The following CTNNA3 variants were observed in gnomAD, a reference collection of about 807,000 sequenced individuals.
The protein encoded by CTNNA3 is catenin alpha 3, also known as catenin alpha-3.
CTNNA3 carries 76 observed loss-of-function variants against 95.7 expected under a neutral mutation model. The ratio of observed to expected loss-of-function variants is 0.79; its 90% CI spans 0.66 to 0.96. The LOEUF is 0.96. CTNNA3 is among the 40% of genes least tolerant of loss of function. The pLI is 0.00. For synonymous variants in CTNNA3, 431 were observed against 374.4 expected (o/e 1.15, Z -1.74); for missense variants, 1,191 against 1,089.8 (o/e 1.09, Z -1.31).
chr10:66,175,876 A>G (rs568848373), intron 13 of CTNNA3, among the ~76,000 whole-genome samples: 16 of 152,202 alleles, frequency 1.1e-4, no homozygotes, highest in Non-Finnish European at 1.8e-4. Flanking sequence ...TGCTGACCCA[A>G]TGAAAAACAT....
At chr10:65,926,657 G>A (rs907738239) in intron 17 of CTNNA3, among the ~76,000 whole-genome samples, 3 of 151,922 alleles carry the variant, frequency 2.0e-5, no homozygotes, top group Admixed American at 6.6e-5. Context: ...TGTATTTTTA[G>A]TAGAGACAGG....
intron 16 of CTNNA3, among the ~76,000 whole-genome samples, chr10:65,968,624 T>A (rs1237845503): frequency 6.6e-6 from 1 of 152,074 alleles, no homozygotes; most frequent in African/African-American, 2.4e-5. Flanking sequence ...TTCCAGGTAT[T>A]CAAAGTACAT....
intron 7 of CTNNA3, among the ~76,000 whole-genome samples, chr10:67,061,821 C>T (rs1855771538): frequency 6.6e-6 from 1 of 152,104 alleles, no homozygotes; most frequent in Admixed American, 6.5e-5. Context: ...TCCTCATTGG[C>T]AGATAAGCAG....
At chr10:65,942,667 A>T (rs2077447988) in intron 17 of CTNNA3, among the ~76,000 whole-genome samples, 1 of 152,214 alleles carries the variant, frequency 6.6e-6, no homozygotes, top group Non-Finnish European at 1.5e-5. Flanking sequence ...GGCTTTGGGT[A>T]AGAGAATAAG....
intron 5 of CTNNA3, among the ~76,000 whole-genome samples, chr10:67,284,938 A>T (rs760813150): frequency 6.6e-6 from 1 of 152,000 alleles, no homozygotes; most frequent in East Asian, 1.9e-4. Context: ...TCATCCCCTC[A>T]CCCCCTGGGG....
chr10:67,075,170 G>GCACACACACACACA (rs57260841), intron 7 of CTNNA3, among the ~76,000 whole-genome samples: 11,429 of 149,608 alleles, frequency 0.076, 478 homozygotes, highest in African/African-American at 0.12. Context: ...AAGGATTTCT[G>GCACACACACACACA]CACACACACA....
rs185256974 is a variant in CTNNA3 at position 67,343,435 on chromosome 10, G to A, written c.580-123565C>T. 2.2e-4 allele frequency among the ~76,000 whole-genome samples: 34 copies of A among 152,094 alleles called. No individual in the cohort carries two copies. The East Asian group carries it at 5.8e-3, about 26-fold the overall frequency. ...TGGTGTCTTCTTCTATTTCTTTCAT[G>A]AGTGTTTTATAGTTTCCATTATAAA... On this transcript the variant is annotated intron_variant, in intron 5 of 17. Coordinates refer to ENST00000433211, the MANE Select transcript of CTNNA3 (RefSeq NM_013266.4).
intron 7 of CTNNA3, among the ~76,000 whole-genome samples, chr10:66,832,508 C>A (rs1842755685): frequency 6.6e-6 from 1 of 151,360 alleles, no homozygotes; most frequent in Non-Finnish European, 1.5e-5. Flanking sequence ...ACTAAGCCAA[C>A]AAAATTAAAT....
chr10:66,456,472 G>T (rs930847125), intron 11 of CTNNA3, among the ~76,000 whole-genome samples: 1 of 152,028 alleles, frequency 6.6e-6, no homozygotes, highest in Non-Finnish European at 1.5e-5. Flanking sequence ...AACCTGACCT[G>T]GAGTTTGAGA....
chr10:67,014,807 T>A (rs1447435974), intron 7 of CTNNA3, among the ~76,000 whole-genome samples: 2 of 152,072 alleles, frequency 1.3e-5, no homozygotes, highest in Non-Finnish European at 2.9e-5. Flanking sequence ...CAAGTAAACA[T>A]CATTCCAAAC....
At chr10:66,301,044 A>T (rs537777230) in intron 12 of CTNNA3, among the ~76,000 whole-genome samples, 2 of 152,226 alleles carry the variant, frequency 1.3e-5, no homozygotes, top group Non-Finnish European at 2.9e-5. Flanking sequence ...AATACCATGA[A>T]CAACCCTATA....
chr10:66,840,924 T>C (rs71496016), intron 7 of CTNNA3, among the ~76,000 whole-genome samples: 12,387 of 152,194 alleles, frequency 0.081, 544 homozygotes, highest in South Asian at 0.1. Context: ...TAAAATGAGA[T>C]GATTAGAATA....
chr10:67,183,382 C>T (rs997298200), intron 6 of CTNNA3, among the ~76,000 whole-genome samples: 6 of 152,116 alleles, frequency 3.9e-5, no homozygotes, highest in African/African-American at 1.4e-4. Context: ...AGTTCATGTC[C>T]TTTGTAGGGA....
chr10:66,654,467 G>A (rs1846010402), intron 9 of CTNNA3, among the ~76,000 whole-genome samples: 1 of 152,068 alleles, frequency 6.6e-6, no homozygotes, highest in African/African-American at 2.4e-5. Flanking sequence ...TATTGGAGAG[G>A]ATGTGGAGGA....
chr10:66,689,108 CAATGAAT>C (rs1847416977), intron 9 of CTNNA3, among the ~76,000 whole-genome samples: 4 of 330 alleles, frequency 0.012, no homozygotes, highest in Non-Finnish European at 0.024. Flanking sequence ...ATCCATGAAT[CAATGAAT>C]CAATGAATCA....
At chr10:67,456,105 T>C (rs915165554) in intron 5 of CTNNA3, among the ~76,000 whole-genome samples, 2 of 152,142 alleles carry the variant, frequency 1.3e-5, no homozygotes, top group African/African-American at 4.8e-5. Flanking sequence ...TATATACATA[T>C]TCTACAATAA....
At chr10:67,007,217 T>G (rs1042297344) in intron 7 of CTNNA3, among the ~76,000 whole-genome samples, 1 of 152,222 alleles carries the variant, frequency 6.6e-6, no homozygotes, top group Non-Finnish European at 1.5e-5. Flanking sequence ...TGTCAGTTCC[T>G]GTTTAGCATC....
intron 7 of CTNNA3, among the ~76,000 whole-genome samples, chr10:66,993,578 C>G (rs926570541): frequency 2.0e-5 from 3 of 151,852 alleles, no homozygotes; most frequent in Admixed American, 2.0e-4. Flanking sequence ...TTAGAATTAA[C>G]TTGTCTGGTT....
intron 12 of CTNNA3, among the ~76,000 whole-genome samples, chr10:66,359,250 G>A (rs950137261): frequency 5.9e-5 from 9 of 152,134 alleles, no homozygotes; most frequent in African/African-American, 9.7e-5. Context: ...ATAGGAGGTC[G>A]TAAAAAGGGA....
Sources: allele counts gnomAD v4.1 joint callset (sites outside exome capture counted in the v4.1 genomes callset), GRCh38; gene constraint gnomAD v4.1.1; transcripts MANE v1.5; gene names NCBI Gene and HGNC (gene_info 2026-07-23, HGNC 2026-07-21).